The following RGS6 variants were observed in gnomAD, a reference collection of about 807,000 sequenced individuals.
RGS6 encodes regulator of G-protein signaling 6.
In RGS6, 30 loss-of-function variants were observed where a neutral mutation model predicts 78.5. The observed-to-expected ratio is 0.38, with a 90% CI of 0.29 to 0.52. The LOEUF (loss-of-function observed/expected upper bound fraction) is 0.52, where lower values mean the gene tolerates loss of function less well. Ranked by LOEUF, RGS6 falls within the 20% of genes least tolerant of loss-of-function variation. The pLI is 0.85. For synonymous variants in RGS6, 206 were observed against 206.0 expected (o/e 1.00, Z 0.00); for missense variants, 495 against 609.7 (o/e 0.81, Z 1.98).
chr14:72,470,159 T>C, intron 8 of RGS6, 76 bp downstream of exon 8: 1 of 1,132,770 alleles, frequency 8.8e-7, no homozygotes, highest in Non-Finnish European at 1.3e-6. Context: ...GGTGGGATTG[T>C]CAAAGTGAAG....
At chr14:71,922,026 T>G in the RGS6 span, among the ~76,000 whole-genome samples, 10,391 of 152,250 alleles carry the variant, frequency 0.068, 430 homozygotes, top group Non-Finnish European at 0.091. Flanking sequence ...CACCTATTTT[T>G]TATTCCTAGT....
At chr14:72,460,681 C>A (rs1480003053) in intron 6 of RGS6, among the ~76,000 whole-genome samples, 1 of 152,172 alleles carries the variant, frequency 6.6e-6, no homozygotes, top group Non-Finnish European at 1.5e-5. Flanking sequence ...GCTGCTGTGG[C>A]AGTCTCATCT....
At chr14:72,293,053 G>T (rs970497974) in intron 2 of RGS6, among the ~76,000 whole-genome samples, 1 of 151,988 alleles carries the variant, frequency 6.6e-6, no homozygotes, top group African/African-American at 2.4e-5. Context: ...CTTTCTAACC[G>T]CTCCTCTGCC....
intron 2 of RGS6, among the ~76,000 whole-genome samples, chr14:72,141,675 T>C (rs2096541235): frequency 6.6e-6 from 1 of 152,156 alleles, no homozygotes; most frequent in Non-Finnish European, 1.5e-5. Context: ...TCCCCAAAGA[T>C]GCCTTTGCCT....
chr14:72,115,566 G>A (rs1026512962), intron 2 of RGS6, among the ~76,000 whole-genome samples: 4 of 152,146 alleles, frequency 2.6e-5, no homozygotes, highest in Non-Finnish European at 5.9e-5. Context: ...GGAGATCTGG[G>A]AAGGGCTGGA....
chr14:71,878,062 C>G, the RGS6 span, among the ~76,000 whole-genome samples: 1 of 152,180 alleles, frequency 6.6e-6, no homozygotes, highest in South Asian at 2.1e-4. Context: ...AGAGGGGCAT[C>G]TGGCTGTATG....
the RGS6 span, among the ~76,000 whole-genome samples, chr14:71,879,471 C>A: frequency 6.6e-6 from 1 of 152,122 alleles, no homozygotes; most frequent in Non-Finnish European, 1.5e-5. Context: ...GTGTCCCCAG[C>A]CAAATCTCAT....
At chr14:71,982,696 T>C (rs1158510356) in intron 2 of RGS6, among the ~76,000 whole-genome samples, 2 of 152,240 alleles carry the variant, frequency 1.3e-5, no homozygotes, top group Non-Finnish European at 2.9e-5. Flanking sequence ...AAATTGACAA[T>C]GCTCTTGAGA....
At chr14:71,930,909 G>A (rs1216609275), upstream of RGS6, among the ~76,000 whole-genome samples, 4 of 147,646 alleles carry the variant, frequency 2.7e-5, no homozygotes, top group East Asian at 8.1e-4. Flanking sequence ...CCTGGGAGGC[G>A]GAGGTTGCAG....
chr14:72,128,847 C>T (rs371588951), intron 2 of RGS6, among the ~76,000 whole-genome samples: 247 of 152,288 alleles, frequency 1.6e-3, no homozygotes, highest in African/African-American at 5.7e-3. Context: ...AGCCCTGGTA[C>T]GCACAGAGAC....
chr14:72,244,824 T>C (rs2053803860), intron 2 of RGS6, among the ~76,000 whole-genome samples: 1 of 47,178 alleles, frequency 2.1e-5, no homozygotes, highest in South Asian at 1.2e-3. Context: ...AACTAAAAAT[T>C]GGTCTTTTTT....
intron 2 of RGS6, among the ~76,000 whole-genome samples, chr14:72,222,495 G>A (rs1235959543): frequency 6.6e-6 from 1 of 152,140 alleles, no homozygotes; most frequent in Non-Finnish European, 1.5e-5. Flanking sequence ...CCATCTTCCT[G>A]GAGTCAACAT....
At chr14:72,627,650 A>G in the RGS6 span, among the ~76,000 whole-genome samples, 1 of 152,076 alleles carries the variant, frequency 6.6e-6, no homozygotes, top group Non-Finnish European at 1.5e-5. Context: ...GTTTCTTCAT[A>G]TGAACTTAAG....
intron 2 of RGS6, among the ~76,000 whole-genome samples, chr14:72,008,816 T>C (rs1051854299): frequency 2.0e-5 from 3 of 152,188 alleles, no homozygotes; most frequent in African/African-American, 7.2e-5. Flanking sequence ...CATGAGATAC[T>C]ATGTAGAAAA....
chr14:71,964,489 A>G (rs1372683593), intron 1 of RGS6, among the ~76,000 whole-genome samples: 1 of 152,136 alleles, frequency 6.6e-6, no homozygotes, highest in African/African-American at 2.4e-5. Flanking sequence ...CTGGGCAATA[A>G]GAGCGAAACT....
intron 1 of RGS6, among the ~76,000 whole-genome samples, chr14:71,948,685 TATTTCTTTTTTCCCATTGGTA>T (rs1317657949): frequency 2.7e-5 from 4 of 150,494 alleles, no homozygotes; most frequent in Admixed American, 2.6e-4. Context: ...AGTAAGTACA[TATTTCTTTTTTCCCATTGGTA>T]ACTGCTAAGC....
chr14:72,099,656 A>G (rs2095486698), intron 2 of RGS6, among the ~76,000 whole-genome samples: 1 of 152,204 alleles, frequency 6.6e-6, no homozygotes, highest in Non-Finnish European at 1.5e-5. Context: ...TTCTTACCCT[A>G]GAAAAAGCTT....
chr14:72,195,752 G>A (rs2039956539), intron 2 of RGS6, among the ~76,000 whole-genome samples: 1 of 152,222 alleles, frequency 6.6e-6, no homozygotes, highest in Non-Finnish European at 1.5e-5. Context: ...TGACGGTGGT[G>A]TGTAGAGTCA....
At chr14:72,085,745 T>C (rs778817391) in intron 2 of RGS6, among the ~76,000 whole-genome samples, 4 of 151,132 alleles carry the variant, frequency 2.6e-5, no homozygotes, top group Admixed American at 6.6e-5. Context: ...TCCCAGCTAC[T>C]TAGGAGGCTG....
Sources: gnomAD v4.1 joint callset for allele counts (sites outside exome capture counted in the v4.1 genomes callset) on GRCh38, gnomAD v4.1.1 for gene constraint, MANE v1.5 for transcripts, NCBI Gene and HGNC (gene_info 2026-07-23, HGNC 2026-07-21) for gene names.